Variants in KCNMA1 observed in about 807,000 individuals in gnomAD.
KCNMA1 encodes Calcium-activated potassium channel subunit alpha-1.
A neutral mutation model predicts 140.0 loss-of-function variants in KCNMA1; 29 were observed. That is an observed-to-expected ratio of 0.21 (90% confidence interval 0.15 to 0.28). The LOEUF is 0.28. Ranked by LOEUF, KCNMA1 falls within the 10% of genes least tolerant of loss-of-function variation. KCNMA1 has a pLI of 1.00. For missense variants in KCNMA1, 880 were observed against 1,602.2 expected, an observed-to-expected ratio of 0.55 and a Z score of 7.70; for synonymous variants, 612 against 611.9, an observed-to-expected ratio of 1.00 and a Z score of 0.00.
intron 19 of KCNMA1, among the ~76,000 whole-genome samples, chr10:76,996,625 C>A (rs987151413): frequency 4.0e-5 from 6 of 151,854 alleles, no homozygotes; most frequent in Non-Finnish European, 7.4e-5. Flanking sequence ...AGAGAGAGAG[C>A]GCACTCACAT....
intron 3 of KCNMA1, among the ~76,000 whole-genome samples, chr10:77,216,519 C>A (rs927520894): frequency 6.6e-6 from 1 of 151,862 alleles, no homozygotes; most frequent in Non-Finnish European, 1.5e-5. Flanking sequence ...TATATGCCAC[C>A]AAGAAAGAAA....
At chr10:77,419,363 T>G (rs1313971820) in intron 1 of KCNMA1, among the ~76,000 whole-genome samples, 1 of 152,168 alleles carries the variant, frequency 6.6e-6, no homozygotes, top group African/African-American at 2.4e-5. Context: ...CTGACAGGGA[T>G]GGAGACCTTT....
intron 6 of KCNMA1, among the ~76,000 whole-genome samples, chr10:77,113,185 C>T (rs1038951375): frequency 1.3e-5 from 2 of 150,530 alleles, no homozygotes; most frequent in African/African-American, 4.9e-5. Context: ...GCTTTACAGG[C>T]CATATAGACA....
At chr10:77,338,435 T>C (rs1310214671) in intron 2 of KCNMA1, among the ~76,000 whole-genome samples, 3 of 152,182 alleles carry the variant, frequency 2.0e-5, no homozygotes, top group Non-Finnish European at 4.4e-5. Context: ...TCTGCCTCCA[T>C]CTCTCTCAGC....
chr10:77,359,981 C>T (rs1018898854), intron 2 of KCNMA1, among the ~76,000 whole-genome samples: 1 of 152,060 alleles, frequency 6.6e-6, no homozygotes, highest in Non-Finnish European at 1.5e-5. Context: ...CTAAGCAGAG[C>T]AAAGCGATAA....
intron 3 of KCNMA1, among the ~76,000 whole-genome samples, chr10:77,217,896 T>C (rs539999246): frequency 6.6e-6 from 1 of 152,322 alleles, no homozygotes; most frequent in African/African-American, 2.4e-5. Flanking sequence ...GGATTCTTGA[T>C]GTGCAGGAAT....
At chr10:76,933,995 T>G (rs968167228) in intron 23 of KCNMA1, among the ~76,000 whole-genome samples, 1 of 152,196 alleles carries the variant, frequency 6.6e-6, no homozygotes, top group Non-Finnish European at 1.5e-5. Flanking sequence ...GTTTTTGAGA[T>G]GGGATCTCAC....
intron 1 of KCNMA1, among the ~76,000 whole-genome samples, chr10:77,409,785 C>T (rs1215306073): frequency 6.6e-6 from 1 of 152,182 alleles, no homozygotes; most frequent in East Asian, 1.9e-4. Context: ...CTGGGACTCT[C>T]AGGTCTGTGG....
chr10:77,200,623 C>T (rs565377516), intron 3 of KCNMA1, among the ~76,000 whole-genome samples: 1 of 149,056 alleles, frequency 6.7e-6, no homozygotes, highest in Admixed American at 6.8e-5. Context: ...AATGACAGCA[C>T]ATGTCTCTTA....
chr10:77,002,477 T>C (rs1466222233), intron 18 of KCNMA1, among the ~76,000 whole-genome samples: 2 of 152,240 alleles, frequency 1.3e-5, no homozygotes, highest in African/African-American at 2.4e-5. Flanking sequence ...TTATTTCTTT[T>C]TTCCTTATAC....
intron 1 of KCNMA1, among the ~76,000 whole-genome samples, chr10:77,509,575 T>G (rs944519223): frequency 1.3e-5 from 2 of 152,214 alleles, no homozygotes; most frequent in African/African-American, 4.8e-5. Flanking sequence ...GCCATACTGT[T>G]TTCCACAGTG....
intron 1 of KCNMA1, among the ~76,000 whole-genome samples, chr10:77,510,941 G>A (rs2048159535): frequency 6.6e-6 from 1 of 152,234 alleles, no homozygotes; most frequent in East Asian, 1.9e-4. Context: ...AACACATGGA[G>A]ATAACGCCGA....
At chr10:77,039,385 C>T (rs1034121726) in intron 15 of KCNMA1, 143 bp downstream of exon 15, 2 of 700,336 alleles carry the variant, frequency 2.9e-6, no homozygotes, top group Non-Finnish European at 5.3e-6. Flanking sequence ...CCCTCCTATT[C>T]ATCACATGGG....
chr10:77,088,791 C>G (rs142077006), intron 10 of KCNMA1, among the ~76,000 whole-genome samples: 1,895 of 152,280 alleles, frequency 0.012, 41 homozygotes, highest in African/African-American at 0.042. Flanking sequence ...TGAATCTGAC[C>G]AGTCTTTCAG....
chr10:77,217,752 T>C (rs955211082), intron 3 of KCNMA1, among the ~76,000 whole-genome samples: 1 of 152,120 alleles, frequency 6.6e-6, no homozygotes, highest in Admixed American at 6.5e-5. Flanking sequence ...AACAAAAGCA[T>C]TGTGATGGAA....
At chr10:77,472,379 CACTA>C (rs1452583993) in intron 1 of KCNMA1, among the ~76,000 whole-genome samples, 2 of 150,212 alleles carry the variant, frequency 1.3e-5, no homozygotes, top group African/African-American at 2.5e-5. Context: ...ACTACACACA[CACTA>C]TACAAACATC....
downstream of KCNMA1, among the ~76,000 whole-genome samples, chr10:76,880,620 A>G (rs768431523): frequency 6.6e-6 from 1 of 152,230 alleles, no homozygotes; most frequent in Non-Finnish European, 1.5e-5. Context: ...AATGATCGCC[A>G]GCCATTCAGC....
At chr10:77,611,995 G>A (rs2154568165) in intron 1 of KCNMA1, among the ~76,000 whole-genome samples, 1 of 152,192 alleles carries the variant, frequency 6.6e-6, no homozygotes, top group East Asian at 1.9e-4. Context: ...TTTAAGAAAT[G>A]CAACAGTGCA....
At chr10:77,427,613 G>A (rs1379987139) in intron 1 of KCNMA1, among the ~76,000 whole-genome samples, 1 of 152,148 alleles carries the variant, frequency 6.6e-6, no homozygotes, top group African/African-American at 2.4e-5. Context: ...AGAAGAAATA[G>A]CAGTACTTCC....
Sources: allele counts gnomAD v4.1 joint callset (sites outside exome capture counted in the v4.1 genomes callset), GRCh38; gene constraint gnomAD v4.1.1; transcripts MANE v1.5; gene names NCBI Gene and HGNC (gene_info 2026-07-23, HGNC 2026-07-21).